CFAP96: variants seen among roughly 807,000 people sequenced by gnomAD.
The protein encoded by CFAP96 is cilia-and flagella-associated protein 96.
At chr4:185,427,064 C>CAAA in the CFAP96 span, among the ~76,000 whole-genome samples, 12 of 135,982 alleles carry the variant, frequency 8.8e-5, no homozygotes, top group African/African-American at 3.1e-4. Flanking sequence ...GACTCCGTCT[C>CAAA]AAAAAAAAAA....
chr4:185,443,963 T>C, the CFAP96 span, among the ~76,000 whole-genome samples: 4 of 69,066 alleles, frequency 5.8e-5, 1 homozygote, highest in East Asian at 2.1e-3. Flanking sequence ...TTTTTTTTTT[T>C]TGAGACGGAG....
chr4:185,447,475 C>G, the CFAP96 span, among the ~76,000 whole-genome samples: 3 of 152,158 alleles, frequency 2.0e-5, no homozygotes, highest in Non-Finnish European at 4.4e-5. Flanking sequence ...CCACCACGCC[C>G]GGCCGATTTT....
At chr4:185,426,258 G>A in the CFAP96 span, 1 of 213,812 alleles carries the variant, frequency 4.7e-6, no homozygotes, top group Non-Finnish European at 9.6e-6. Context: ...ACGTGCAGAG[G>A]CGCTGCGCAG....
chr4:185,444,802 G>T, the CFAP96 span, among the ~76,000 whole-genome samples: 1 of 152,206 alleles, frequency 6.6e-6, no homozygotes, highest in Non-Finnish European at 1.5e-5. Flanking sequence ...ACCCTATAAA[G>T]TTGGTGGTAG....
At chr4:185,413,956 T>G in the CFAP96 span, 1 of 1,261,834 alleles carries the variant, frequency 7.9e-7, no homozygotes, top group Non-Finnish European at 1.1e-6. Context: ...TTATTAAACA[T>G]GGAAAATTAT....
the CFAP96 span, among the ~76,000 whole-genome samples, chr4:185,412,336 A>G: frequency 1.3e-5 from 2 of 152,206 alleles, no homozygotes; most frequent in Non-Finnish European, 2.9e-5. Context: ...TGGTTGGCCC[A>G]CAGCTTTTGC....
the CFAP96 span, chr4:185,445,033 T>G: frequency 6.4e-7 from 1 of 1,551,598 alleles, no homozygotes; most frequent in East Asian, 2.4e-5. Context: ...TGTGGCTAAA[T>G]TGGCAAATAT....
the CFAP96 span, chr4:185,440,551 A>G: frequency 6.6e-7 from 1 of 1,513,398 alleles, no homozygotes; most frequent in Non-Finnish European, 8.8e-7. Flanking sequence ...AAGCGAATGA[A>G]GAGCACCATC....
At chr4:185,408,493 A>G in the CFAP96 span, 4 of 1,520,348 alleles carry the variant, frequency 2.6e-6, no homozygotes, top group East Asian at 6.8e-5. Flanking sequence ...TACATATTCT[A>G]TATATGCTCC....
At chr4:185,442,747 C>T in the CFAP96 span, among the ~76,000 whole-genome samples, 6 of 152,012 alleles carry the variant, frequency 3.9e-5, no homozygotes, top group East Asian at 7.7e-4. Context: ...ACATCAGGAA[C>T]GTATGCTGAA....
At chr4:185,411,101 G>A in the CFAP96 span, among the ~76,000 whole-genome samples, 1 of 147,922 alleles carries the variant, frequency 6.8e-6, no homozygotes, top group Non-Finnish European at 1.5e-5. Flanking sequence ...ATAATAGAGG[G>A]GGCCAACAAA....
chr4:185,416,013 T>C, the CFAP96 span: 13 of 597,866 alleles, frequency 2.2e-5, no homozygotes, highest in Non-Finnish European at 3.5e-5. Flanking sequence ...GGGGAAAGAG[T>C]AGAGAACAAG....
chr4:185,432,326 T>C, the CFAP96 span: 2 of 714,656 alleles, frequency 2.8e-6, no homozygotes, highest in Middle Eastern at 3.9e-4. Flanking sequence ...TTAGTTTGTC[T>C]TAGGTGGAGA....
chr4:185,432,203 T>G, the CFAP96 span: 2 of 1,549,348 alleles, frequency 1.3e-6, no homozygotes, highest in African/African-American at 2.7e-5. Context: ...GAAAAAGCCG[T>G]AAGTGTTTTT....
chr4:185,442,233 A>G, the CFAP96 span, among the ~76,000 whole-genome samples: 9 of 152,096 alleles, frequency 5.9e-5, no homozygotes, highest in Admixed American at 2.6e-4. Context: ...AGTTCCAAAA[A>G]GGGAAAGAAC....
At chr4:185,447,283 G>A in the CFAP96 span, among the ~76,000 whole-genome samples, 39 of 151,662 alleles carry the variant, frequency 2.6e-4, no homozygotes, top group Non-Finnish European at 4.3e-4. Flanking sequence ...CCGGGTTCAC[G>A]CCATTCTCCT....
the CFAP96 span, among the ~76,000 whole-genome samples, chr4:185,427,967 T>G: frequency 6.6e-6 from 1 of 150,824 alleles, no homozygotes; most frequent in Admixed American, 6.6e-5. Context: ...ACGCCTGTAA[T>G]CCCAGCTACT....
chr4:185,429,855 C>T, the CFAP96 span, among the ~76,000 whole-genome samples: 4 of 151,750 alleles, frequency 2.6e-5, no homozygotes, highest in African/African-American at 7.3e-5. Context: ...TGGAGTAGGG[C>T]GGGGGAGCTC....
the CFAP96 span, among the ~76,000 whole-genome samples, chr4:185,434,422 G>A: frequency 6.6e-6 from 1 of 151,794 alleles, no homozygotes; most frequent in Non-Finnish European, 1.5e-5. Flanking sequence ...CATGGAATAT[G>A]TGAAATAACT....
Sources: gnomAD v4.1 joint callset for allele counts (sites outside exome capture counted in the v4.1 genomes callset) on GRCh38, gnomAD v4.1.1 for gene constraint, MANE v1.5 for transcripts, NCBI Gene and HGNC (gene_info 2026-07-23, HGNC 2026-07-21) for gene names.